Variants in LRTM3 observed in about 807,000 individuals in gnomAD.
LRTM3 encodes leucine rich repeat transmembrane protein 3, also known as leucine-rich repeat transmembrane protein 3.
At chr13:102,751,168 G>C in the LRTM3 span, among the ~76,000 whole-genome samples, 1 of 152,062 alleles carries the variant, frequency 6.6e-6, no homozygotes, top group Non-Finnish European at 1.5e-5. Flanking sequence ...GATCCAATCA[G>C]TTAAAGGCCT....
At chr13:102,745,680 C>A in the LRTM3 span, 1 of 1,551,038 alleles carries the variant, frequency 6.4e-7, no homozygotes, top group Non-Finnish European at 8.7e-7. Context: ...ATCGCTGTCT[C>A]TTTCTTTTCA....
the LRTM3 span, chr13:102,732,567 C>T: frequency 1.3e-6 from 2 of 1,551,136 alleles, no homozygotes; most frequent in Admixed American, 2.0e-5. Context: ...GCATTAGATG[C>T]TTCTAGTTCT....
At chr13:102,745,284 T>G in the LRTM3 span, 1 of 1,550,702 alleles carries the variant, frequency 6.4e-7, no homozygotes, top group Admixed American at 2.0e-5. Flanking sequence ...GTTTCTTTAA[T>G]GTCACGTGAA....
the LRTM3 span, chr13:102,732,356 C>T: frequency 5.4e-5 from 83 of 1,551,306 alleles, no homozygotes; most frequent in Middle Eastern, 1.7e-4. Context: ...TGGTGTACCA[C>T]GCCCCGTGAT....
chr13:102,748,737 A>G, the LRTM3 span: 2 of 1,549,664 alleles, frequency 1.3e-6, no homozygotes, highest in Non-Finnish European at 1.7e-6. Context: ...TCTTTAAGAG[A>G]TTCTTTACTC....
the LRTM3 span, among the ~76,000 whole-genome samples, chr13:102,754,228 C>A: frequency 4.2e-5 from 6 of 142,464 alleles, no homozygotes; most frequent in African/African-American, 1.1e-4. Flanking sequence ...AAAAAAAAAA[C>A]CCTGAAGCAA....
the LRTM3 span, chr13:102,745,673 G>A: frequency 5.4e-5 from 83 of 1,550,828 alleles, no homozygotes; most frequent in African/African-American, 8.2e-5. Flanking sequence ...ACCAAAAATC[G>A]CTGTCTCTTT....
At chr13:102,757,276 A>G in the LRTM3 span, among the ~76,000 whole-genome samples, 1 of 152,228 alleles carries the variant, frequency 6.6e-6, no homozygotes, top group African/African-American at 2.4e-5. Flanking sequence ...CAATACAACA[A>G]TATAGCAACC....
chr13:102,736,448 T>C, the LRTM3 span: 1 of 1,551,174 alleles, frequency 6.4e-7, no homozygotes, highest in Admixed American at 2.0e-5. Context: ...GAGTTGTTTC[T>C]CTTTCTTTAC....
At chr13:102,738,563 A>AT in the LRTM3 span, 4 of 1,550,116 alleles carry the variant, frequency 2.6e-6, no homozygotes, top group Middle Eastern at 1.7e-4. Flanking sequence ...AATTTTTTCC[A>AT]TTTTTTGCCT....
At chr13:102,757,024 C>T in the LRTM3 span, among the ~76,000 whole-genome samples, 1 of 152,166 alleles carries the variant, frequency 6.6e-6, no homozygotes, top group Non-Finnish European at 1.5e-5. Flanking sequence ...GCCTGTTAAT[C>T]CTCTGGTTTT....
At chr13:102,731,427 C>CT in the LRTM3 span, 1 of 1,551,408 alleles carries the variant, frequency 6.4e-7, no homozygotes, top group Non-Finnish European at 8.7e-7. Flanking sequence ...ATTTCAAGTG[C>CT]TTTTGACTCT....
At chr13:102,731,960 A>G in the LRTM3 span, 1 of 1,551,246 alleles carries the variant, frequency 6.4e-7, no homozygotes, top group Admixed American at 2.0e-5. Context: ...CTCTGGAACA[A>G]TCCGTTCTTT....
the LRTM3 span, chr13:102,733,016 T>G: frequency 6.4e-7 from 1 of 1,551,386 alleles, no homozygotes; most frequent in South Asian, 1.2e-5. Flanking sequence ...TTTTGCAGGG[T>G]CAATCTCTGT....
At chr13:102,738,886 AGCTATTCTTTTG>A in the LRTM3 span, 1 of 1,550,712 alleles carries the variant, frequency 6.4e-7, no homozygotes. Context: ...TCACCTCCAA[AGCTATTCTTTTG>A]GAATGCATGA....
At chr13:102,755,962 T>TATATATACATATATATATATA in the LRTM3 span, among the ~76,000 whole-genome samples, 2 of 56,650 alleles carry the variant, frequency 3.5e-5, no homozygotes, top group Admixed American at 1.6e-4. Flanking sequence ...TATATATATA[T>TATATATACATATATATATATA]TTTTTTTTTT....
chr13:102,731,086 G>C, the LRTM3 span: 1 of 1,551,192 alleles, frequency 6.4e-7, no homozygotes, highest in Non-Finnish European at 8.7e-7. Context: ...GGTTTTGGAG[G>C]GTATGAGGCA....
At chr13:102,733,296 C>T in the LRTM3 span, 2 of 1,551,312 alleles carry the variant, frequency 1.3e-6, no homozygotes, top group Non-Finnish European at 1.7e-6. Context: ...GGTGCTAACA[C>T]TTTGGGAGAA....
chr13:102,737,967 G>C, the LRTM3 span: 25 of 1,550,820 alleles, frequency 1.6e-5, no homozygotes, highest in South Asian at 3.0e-4. Context: ...TCTGCTTTCT[G>C]TTGCTCTTCA....
Sources: allele counts gnomAD v4.1 joint callset (sites outside exome capture counted in the v4.1 genomes callset), GRCh38; gene constraint gnomAD v4.1.1; transcripts MANE v1.5; gene names NCBI Gene and HGNC (gene_info 2026-07-23, HGNC 2026-07-21).